Variants in SLC9C1 observed in about 807,000 individuals in gnomAD.
SLC9C1 encodes the protein solute carrier family 9 member C1.
Under a neutral mutation model 140.9 loss-of-function variants are expected in SLC9C1, and 97 were observed. The ratio of observed to expected loss-of-function variants is 0.69; its 90% CI spans 0.58 to 0.82. The LOEUF (loss-of-function observed/expected upper bound fraction) is 0.82. SLC9C1 is among the 40% of genes least tolerant of loss of function. The probability of loss-of-function intolerance (pLI) is 0.00; values close to 1 mark genes in which losing one functional copy is unlikely to be tolerated. For synonymous variants in SLC9C1, 440 were observed against 442.6 expected (o/e 0.99, Z 0.07); for missense variants, 1,340 against 1,389.3 (o/e 0.96, Z 0.56).
intron 13 of SLC9C1, among the ~76,000 whole-genome samples, chr3:112,226,424 A>C (rs2078683304): frequency 6.6e-6 from 1 of 152,126 alleles, no homozygotes; most frequent in Non-Finnish European, 1.5e-5. Flanking sequence ...CTTTTACATC[A>C]AAAAAATAGA....
intron 12 of SLC9C1, among the ~76,000 whole-genome samples, chr3:112,232,711 A>C (rs1361259424): frequency 2.0e-5 from 3 of 152,134 alleles, no homozygotes; most frequent in Non-Finnish European, 4.4e-5. Flanking sequence ...GACACGGAAA[A>C]GTGCAGCAGC....
intron 10 of SLC9C1, among the ~76,000 whole-genome samples, chr3:112,244,427 C>T (rs1212531435): frequency 1.3e-5 from 2 of 152,306 alleles, no homozygotes; most frequent in Admixed American, 6.5e-5. Flanking sequence ...AATCCTTATC[C>T]ACTATACAAA....
intron 15 of SLC9C1, among the ~76,000 whole-genome samples, chr3:112,213,953 T>C (rs6766187): frequency 0.75 from 114,790 of 152,062 alleles, 43,740 homozygotes; most frequent in East Asian, 0.99. Flanking sequence ...ACCACATAGT[T>C]GGAAGTAAAG....
intron 22 of SLC9C1, among the ~76,000 whole-genome samples, chr3:112,180,072 ATAGTG>A (rs2077410247): frequency 6.6e-6 from 1 of 152,194 alleles, no homozygotes; most frequent in South Asian, 2.1e-4. Context: ...AAAATGATGG[ATAGTG>A]TTATCCATTG....
chr3:112,291,708 G>A (rs1038655423), intron 1 of SLC9C1, among the ~76,000 whole-genome samples: 1 of 152,218 alleles, frequency 6.6e-6, no homozygotes, highest in African/African-American at 2.4e-5. Context: ...AAACAGTGTG[G>A]TGATTCCTCA....
intron 20 of SLC9C1, among the ~76,000 whole-genome samples, chr3:112,194,343 G>A (rs2077726773): frequency 6.6e-6 from 1 of 152,078 alleles, no homozygotes; most frequent in African/African-American, 2.4e-5. Flanking sequence ...GCAGAAGCAG[G>A]GTGACTCCAT....
chr3:112,191,818 A>G (rs1360394149), intron 20 of SLC9C1, among the ~76,000 whole-genome samples: 1 of 151,906 alleles, frequency 6.6e-6, no homozygotes, highest in Non-Finnish European at 1.5e-5. Flanking sequence ...CTAATGTTAT[A>G]TTTTTTCATA....
intron 28 of SLC9C1, among the ~76,000 whole-genome samples, chr3:112,144,978 T>C (rs1316443101): frequency 6.6e-6 from 1 of 152,254 alleles, no homozygotes; most frequent in Non-Finnish European, 1.5e-5. Context: ...TAGTATTATG[T>C]TGAATAGGAG....
At chr3:112,142,596 C>A (rs2074663594) in intron 28 of SLC9C1, among the ~76,000 whole-genome samples, 1 of 152,178 alleles carries the variant, frequency 6.6e-6, no homozygotes, top group Non-Finnish European at 1.5e-5. Context: ...GACAGTATTA[C>A]TTTTTTGAGG....
intron 14 of SLC9C1, 138 bp downstream of exon 14, chr3:112,220,990 A>T: frequency 1.7e-6 from 1 of 586,240 alleles, no homozygotes; most frequent in Non-Finnish European, 2.8e-6. Context: ...TAGAGCAGAC[A>T]GCTCTGCTGT....
chr3:112,225,958 C>T lies in SLC9C1; in HGVS notation c.1573-4733G>A, dbSNP rs144745944. Among the ~76,000 whole-genome samples, 55 of 152,148 alleles carry T rather than the reference C, an allele frequency of 3.6e-4. No homozygotes were observed. The East Asian group carries it at 6.2e-3, about 17-fold the overall frequency. On this transcript the variant is annotated intron_variant, in intron 13 of 28. Coordinates refer to ENST00000305815, the MANE Select transcript of SLC9C1 (RefSeq NM_183061.3). ...CTGAAGGGAGAGAAAGACTCCAATA[C>T]GATAATAGTTGGGTCTTTAAAACCC...
At chr3:112,278,941 G>A in intron 3 of SLC9C1, 84 bp from the exon 4 acceptor site, 2 of 1,386,912 alleles carry the variant, frequency 1.4e-6, no homozygotes, top group East Asian at 2.5e-5. Context: ...AAATCTAACA[G>A]TAGAGAAAGA....
chr3:112,205,158 G>A (rs560707216), intron 16 of SLC9C1, among the ~76,000 whole-genome samples: 18 of 152,036 alleles, frequency 1.2e-4, no homozygotes, highest in South Asian at 8.3e-4. Flanking sequence ...AAACCCCATC[G>A]TCTCAGCCCA....
intron 20 of SLC9C1, among the ~76,000 whole-genome samples, chr3:112,191,817 T>C (rs919955091): frequency 6.6e-5 from 10 of 152,122 alleles, no homozygotes; most frequent in African/African-American, 2.4e-4. Flanking sequence ...TCTAATGTTA[T>C]ATTTTTTCAT....
At chr3:112,171,217 A>C (rs1032337071) in intron 23 of SLC9C1, among the ~76,000 whole-genome samples, 1 of 151,638 alleles carries the variant, frequency 6.6e-6, no homozygotes, top group Non-Finnish European at 1.5e-5. Flanking sequence ...CTCTGTCAGA[A>C]AAAAAAAAGA....
intron 20 of SLC9C1, chr3:112,185,814 A>G: frequency 6.4e-7 from 1 of 1,574,776 alleles, no homozygotes; most frequent in Non-Finnish European, 8.6e-7. Context: ...CTGGTAGCGC[A>G]GGGGAGTGCC....
intron 14 of SLC9C1, among the ~76,000 whole-genome samples, chr3:112,220,019 A>G (rs536982417): frequency 6.6e-6 from 1 of 152,194 alleles, no homozygotes; most frequent in Non-Finnish European, 1.5e-5. Context: ...ACATTTGCCC[A>G]GCCCTCTCAA....
chr3:112,226,629 G>A (rs758982281), intron 13 of SLC9C1, among the ~76,000 whole-genome samples: 37 of 152,084 alleles, frequency 2.4e-4, no homozygotes, highest in Non-Finnish European at 8.8e-5. Flanking sequence ...GGCTGATGTA[G>A]GAGAATTGCT....
intron 13 of SLC9C1, among the ~76,000 whole-genome samples, chr3:112,222,969 C>G (rs1382357232): frequency 6.6e-6 from 1 of 151,826 alleles, no homozygotes; most frequent in Non-Finnish European, 1.5e-5. Context: ...CAATTTTTTC[C>G]TACAAAAGTA....
Sources: gnomAD v4.1 joint callset for allele counts (sites outside exome capture counted in the v4.1 genomes callset) on GRCh38, gnomAD v4.1.1 for gene constraint, MANE v1.5 for transcripts, NCBI Gene and HGNC (gene_info 2026-07-23, HGNC 2026-07-21) for gene names.